Variants in SLC44A5 observed in about 807,000 individuals in gnomAD.
The protein encoded by SLC44A5 is solute carrier family 44 member 5.
Under a neutral mutation model 101.8 loss-of-function variants are expected in SLC44A5, and 57 were observed. That is an observed-to-expected ratio of 0.56 (90% CI 0.45 to 0.70). The LOEUF is 0.70. Among genes scored for constraint, SLC44A5 ranks in the 30% least tolerant of loss-of-function variants. The pLI, the probability that SLC44A5 is intolerant of heterozygous loss-of-function variation, is 0.00. For missense variants in SLC44A5, 737 were observed against 853.1 expected, an observed-to-expected ratio of 0.86 and a Z score of 1.70; for synonymous variants, 281 against 290.9, an observed-to-expected ratio of 0.97 and a Z score of 0.35.
At chr1:75,410,337 T>G (rs1241643693) in intron 2 of SLC44A5, among the ~76,000 whole-genome samples, 1 of 152,114 alleles carries the variant, frequency 6.6e-6, no homozygotes, top group Non-Finnish European at 1.5e-5. Context: ...TTACCTGCCA[T>G]GCCTATTTAT....
intron 2 of SLC44A5, among the ~76,000 whole-genome samples, chr1:75,536,310 C>A (rs1670995703): frequency 6.6e-6 from 1 of 152,040 alleles, no homozygotes; most frequent in Admixed American, 6.6e-5. Flanking sequence ...CATAAAAATG[C>A]CTGGCCCGGC....
At chr1:75,299,393 G>A (rs1654238755) in intron 5 of SLC44A5, among the ~76,000 whole-genome samples, 1 of 152,044 alleles carries the variant, frequency 6.6e-6, no homozygotes, top group Non-Finnish European at 1.5e-5. Flanking sequence ...CTTTCAGTTG[G>A]TGTTCTCAAA....
intron 2 of SLC44A5, among the ~76,000 whole-genome samples, chr1:75,482,407 A>C (rs1667923434): frequency 6.6e-6 from 1 of 152,068 alleles, no homozygotes; most frequent in Admixed American, 6.6e-5. Flanking sequence ...GTACCCTAAA[A>C]CTTAAAGTAT....
intron 4 of SLC44A5, among the ~76,000 whole-genome samples, chr1:75,328,323 A>G (rs1656763882): frequency 6.6e-6 from 1 of 152,188 alleles, no homozygotes; most frequent in South Asian, 2.1e-4. Context: ...TATTCTTCTG[A>G]CACAGGTATG....
chr1:75,287,426 C>CTTTTTTTTTTTTTTTTTTTTT (rs371647505), intron 5 of SLC44A5, among the ~76,000 whole-genome samples: 1 of 69,910 alleles, frequency 1.4e-5, no homozygotes, highest in Non-Finnish European at 2.5e-5. Context: ...CTTCTGAATT[C>CTTTTTTTTTTTTTTTTTTTTT]TTTTTTTTTT....
chr1:75,591,836 A>G (rs1300584193), intron 1 of SLC44A5, among the ~76,000 whole-genome samples: 2 of 13,926 alleles, frequency 1.4e-4, no homozygotes, highest in African/African-American at 6.5e-4. Flanking sequence ...TCCTTTCATG[A>G]TAAAAAAAAA....
intron 1 of SLC44A5, among the ~76,000 whole-genome samples, chr1:75,600,922 C>T (rs1236618599): frequency 6.6e-6 from 1 of 152,128 alleles, no homozygotes; most frequent in Admixed American, 6.6e-5. Flanking sequence ...TAGCCCCATA[C>T]TTAAGCAATG....
In SLC44A5 at chr1:75,275,045, G is replaced by T. The variant is rs748223008; in HGVS notation, c.176-3C>A. ...TCTGGGGTCCCCATGTACCCAGGCT[G>T]CAGGAACAAGAAAGGACAAATATGC... On this transcript the variant is annotated splice_region_variant and splice_polypyrimidine_tract_variant and intron_variant, in intron 5 of 23. Transcript: ENST00000370859. The T allele has an allele frequency of 1.2e-6, 2 of 1,611,618 alleles. No homozygotes were observed. Among genetic ancestry groups the T allele is most frequent in the Non-Finnish European group, 1.7e-6 (2 of 1,178,760 alleles).
intron 2 of SLC44A5, among the ~76,000 whole-genome samples, chr1:75,440,369 G>A (rs1665127597): frequency 6.6e-6 from 1 of 152,046 alleles, no homozygotes; most frequent in Admixed American, 6.6e-5. Context: ...AGGAAAAGAT[G>A]GCAAATTCAA....
intron 1 of SLC44A5, among the ~76,000 whole-genome samples, chr1:75,549,336 T>C (rs1374654913): frequency 6.6e-6 from 1 of 152,102 alleles, no homozygotes; most frequent in Non-Finnish European, 1.5e-5. Flanking sequence ...TAACCACAAA[T>C]CTCAGACCAA....
intron 7 of SLC44A5, 117 bp from the exon 8 acceptor site, chr1:75,243,128 T>C (rs891681261): frequency 1.6e-6 from 2 of 1,216,502 alleles, no homozygotes; most frequent in African/African-American, 3.2e-5. Flanking sequence ...GTTTTCCATC[T>C]AAGAAACCTA....
intron 3 of SLC44A5, among the ~76,000 whole-genome samples, chr1:75,372,809 T>G (rs1420958140): frequency 1.3e-5 from 2 of 152,220 alleles, no homozygotes; most frequent in African/African-American, 4.8e-5. Flanking sequence ...CAGAAATATT[T>G]AATGAAATAG....
intron 6 of SLC44A5, among the ~76,000 whole-genome samples, chr1:75,252,545 T>A (rs1196241253): frequency 6.6e-6 from 1 of 152,198 alleles, no homozygotes; most frequent in Non-Finnish European, 1.5e-5. Context: ...CCTACAATCC[T>A]CACTGAGGAG....
chr1:75,401,549 A>G (rs1662475850), intron 2 of SLC44A5, among the ~76,000 whole-genome samples: 1 of 152,188 alleles, frequency 6.6e-6, no homozygotes, highest in Non-Finnish European at 1.5e-5. Flanking sequence ...TATGATGGGA[A>G]GGAGCTTGGC....
chr1:75,414,320 CACAT>C (rs1663488078), intron 2 of SLC44A5, among the ~76,000 whole-genome samples: 3 of 119,402 alleles, frequency 2.5e-5, no homozygotes, highest in Non-Finnish European at 5.3e-5. Flanking sequence ...CATACATATC[CACAT>C]ACACACACAC....
intron 2 of SLC44A5, among the ~76,000 whole-genome samples, chr1:75,511,046 G>A (rs763798389): frequency 7.9e-4 from 120 of 152,312 alleles, no homozygotes; most frequent in Non-Finnish European, 7.6e-4. Flanking sequence ...GGGAGGCTGA[G>A]GCAGGAGAAT....
chr1:75,477,542 C>T (rs1017024486), intron 2 of SLC44A5, among the ~76,000 whole-genome samples: 1 of 152,016 alleles, frequency 6.6e-6, no homozygotes, highest in Non-Finnish European at 1.5e-5. Flanking sequence ...ATAACCAATA[C>T]AGAGAAGTGC....
chr1:75,353,232 A>G lies in SLC44A5; in HGVS notation c.53-13602T>C, dbSNP rs1570752184. On this transcript the variant is annotated intron_variant, in intron 3 of 23. Coordinates refer to ENST00000370859, the MANE Select transcript of SLC44A5 (RefSeq NM_001130058.2). ...TTAGCAATATTACTTCAAAGACTCAAGTAATCCAAGTTCAGAGACTGAGAC... is the reference window on the plus strand; with the variant it reads ...TTAGCAATATTACTTCAAAGACTCAGGTAATCCAAGTTCAGAGACTGAGAC... 2.6e-5 allele frequency among the ~76,000 whole-genome samples: 4 copies of G among 152,250 alleles called. No homozygotes were observed. In the South Asian group the frequency reaches 8.3e-4, roughly 32 times the overall value.
chr1:75,584,228 A>G (rs1218117084), intron 1 of SLC44A5, among the ~76,000 whole-genome samples: 1 of 152,210 alleles, frequency 6.6e-6, no homozygotes, highest in Non-Finnish European at 1.5e-5. Context: ...GTCTATGTGG[A>G]AATGGTGTAA....
Sources: allele counts gnomAD v4.1 joint callset (sites outside exome capture counted in the v4.1 genomes callset), GRCh38; gene constraint gnomAD v4.1.1; transcripts MANE v1.5; gene names NCBI Gene and HGNC (gene_info 2026-07-23, HGNC 2026-07-21).